ARHGAP44: variants seen among roughly 807,000 people sequenced by gnomAD.
ARHGAP44 encodes the protein Rho GTPase activating protein 44.
Under a neutral mutation model 106.8 loss-of-function variants are expected in ARHGAP44, and 43 were observed. The observed-to-expected ratio is 0.40, with a 90% confidence interval of 0.32 to 0.52. ARHGAP44 has a LOEUF of 0.52. ARHGAP44 is among the 20% of genes least tolerant of loss of function. The pLI is 0.48. For synonymous variants in ARHGAP44, 439 were observed against 410.3 expected (o/e 1.07, Z -0.85); for missense variants, 866 against 1,050.5 (o/e 0.82, Z 2.43).
chr17:12,865,779 ACTCAT>A (rs1363914075), intron 1 of ARHGAP44, among the ~76,000 whole-genome samples: 1 of 140,194 alleles, frequency 7.1e-6, no homozygotes, highest in African/African-American at 2.6e-5. Context: ...ACAGAGCGAG[ACTCAT>A]CTCAAGAAAA....
At chr17:12,961,616 C>G (rs1399833914) in intron 16 of ARHGAP44, among the ~76,000 whole-genome samples, 3 of 152,124 alleles carry the variant, frequency 2.0e-5, no homozygotes, top group Non-Finnish European at 4.4e-5. Flanking sequence ...TGCCTGTAAT[C>G]CCAGCTACTC....
rs752785731 is a variant in ARHGAP44 at position 12,990,072 on chromosome 17, C to T, written c.2358C>T (p.Leu786=). 6.2e-6 allele frequency: 10 copies of T among 1,612,706 alleles called. No individual in the cohort carries two copies. Among genetic ancestry groups the T allele is most frequent in the East Asian group, 4.5e-5 (2 of 44,848 alleles). The change falls in exon 21 of 21, where the codon CTC becomes CTT. Residue 786 remains leucine, a synonymous_variant. Transcript: ENST00000379672. The part of the protein sequence containing the change: ...HFDIPSIHIE[L]GSTLRLSPLE... ...ATATTCCCTCGATCCACATAGAGCT[C>T]GGGTCGACGCTCCGCCTGAGTCCCC...
At chr17:12,875,528 A>G (rs1567662420) in intron 1 of ARHGAP44, among the ~76,000 whole-genome samples, 1 of 152,240 alleles carries the variant, frequency 6.6e-6, no homozygotes, top group Non-Finnish European at 1.5e-5. Flanking sequence ...GGAGTTCAAG[A>G]TTCCAGTGAG....
chr17:12,855,013 G>GT (rs1318750090), intron 1 of ARHGAP44, among the ~76,000 whole-genome samples: 2 of 149,338 alleles, frequency 1.3e-5, no homozygotes. Flanking sequence ...ACACATGTCT[G>GT]TATATGTATA....
In ARHGAP44 at chr17:12,949,039, G is replaced by A. The variant is rs959869053; in HGVS notation, c.862-101G>A. On this transcript the variant is annotated intron_variant, in intron 10 of 20. Transcript: ENST00000379672. This position sits in a 1 kb window ranked among gnomAD's most constrained non-coding sequence, Gnocchi z 4.1. ...GGGAGATGGTGTTGGGCAAATGCAT[G>A]TAAGAGGTTTTGGAGAAAAGAAGCA... The A allele has an allele frequency of 1.0e-5, 12 of 1,162,550 alleles. No homozygotes were observed. The African/African-American group carries it at 1.1e-4, about 10-fold the overall frequency. 72.0% of individuals were successfully genotyped at this position (1,162,550 alleles called of 1,614,324 possible). A position where few individuals can be genotyped will look rare whatever the true frequency, so the allele number is the denominator to read the frequency against.
intron 16 of ARHGAP44, among the ~76,000 whole-genome samples, chr17:12,963,094 T>C (rs1305240646): frequency 6.8e-6 from 1 of 147,766 alleles, no homozygotes; most frequent in Non-Finnish European, 1.5e-5. Flanking sequence ...TTCACCAACC[T>C]TGTGGTTGGT....
At chr17:12,966,525 G>A (rs1567713659) in intron 16 of ARHGAP44, among the ~76,000 whole-genome samples, 1 of 152,226 alleles carries the variant, frequency 6.6e-6, no homozygotes, top group Non-Finnish European at 1.5e-5. Flanking sequence ...CACTGGGTGT[G>A]TGTAGGCCAG....
At chr17:12,987,222 GCTC>G (rs1263276994) in intron 20 of ARHGAP44, 8 of 1,364,090 alleles carry the variant, frequency 5.9e-6, no homozygotes, top group Admixed American at 2.3e-5. Flanking sequence ...CCTCCCCTCC[GCTC>G]CTCGTCTCTG....
chr17:12,858,747 A>G (rs547531155), intron 1 of ARHGAP44, among the ~76,000 whole-genome samples: 1 of 152,300 alleles, frequency 6.6e-6, no homozygotes, highest in South Asian at 2.1e-4. Context: ...TTGTATTAGT[A>G]CATTTTCATG....
chr17:12,974,113 A>G lies in ARHGAP44; in HGVS notation c.1566A>G (p.Thr522=), dbSNP rs1486406138. Residue 522 remains threonine (T), a synonymous_variant, in exon 18 of 21, where the codon ACA becomes ACG. Coordinates refer to ENST00000379672, the MANE Select transcript of ARHGAP44 (RefSeq NM_014859.6). ...GCATGGGTGTGAGGGTCATGGACAC[A>G]AACTGGGTGGCTCGAAGAGGCTCCT... The part of the protein sequence containing the change: ...IQSMGVRVMD[T]NWVARRGSSA... 3.8e-6 allele frequency: 6 copies of G among 1,571,596 alleles called. No homozygotes were observed. Among genetic ancestry groups the G allele is most frequent in the Non-Finnish European group, 5.2e-6 (6 of 1,158,448 alleles).
chr17:12,989,997 T>G (rs375710934), intron 20 of ARHGAP44, 35 bp from the exon 21 acceptor site: 11 of 1,588,720 alleles, frequency 6.9e-6, no homozygotes, highest in African/African-American at 5.4e-5. Flanking sequence ...CCGGGAAGCC[T>G]CCTTTCAACC....
intron 4 of ARHGAP44, 86 bp downstream of exon 4, chr17:12,909,059 A>G: frequency 8.6e-7 from 1 of 1,160,032 alleles, no homozygotes; most frequent in Non-Finnish European, 1.2e-6. Flanking sequence ...TCAGGGAAGC[A>G]CCTGAATTCT....
At chr17:12,937,932 C>A (rs1045224787) in intron 7 of ARHGAP44, among the ~76,000 whole-genome samples, 4 of 152,144 alleles carry the variant, frequency 2.6e-5, no homozygotes, top group African/African-American at 9.7e-5. Context: ...GAAACCTTGT[C>A]TCTTCTAAAA....
At chr17:12,981,495 T>TCAAGCGATTCTCCTGCCTC (rs2039829089) in intron 19 of ARHGAP44, among the ~76,000 whole-genome samples, 1 of 151,868 alleles carries the variant, frequency 6.6e-6, no homozygotes, top group African/African-American at 2.4e-5. Context: ...CCTCCTGGGT[T>TCAAGCGATTCTCCTGCCTC]CAAGCGATTC....
rs571585320 is a variant in ARHGAP44, at chr17:12,990,293, C to G, written c.*122C>G. 24 of 1,332,708 alleles carry G rather than the reference C, an allele frequency of 1.8e-5. No individual in the cohort carries two copies. In the African/African-American group the frequency reaches 3.2e-4, roughly 18 times the overall value. 82.6% of individuals were successfully genotyped at this position (1,332,708 alleles called of 1,614,324 possible). A position where few individuals can be genotyped will look rare whatever the true frequency, so the allele number is the denominator to read the frequency against. On this transcript the variant is annotated 3_prime_UTR_variant, in exon 21 of 21. Transcript: ENST00000379672. ...TGGCTCTTTCCTGCCACTGCCAACA[C>G]GAGGTTGGAATTTGGCAGAAAATTG...
chr17:12,896,511 C>T lies in ARHGAP44; in HGVS notation c.198C>T (p.Ser66=), dbSNP rs202018989. ...AAGGGGCAGAGGCTGACAAGCGCTC[C>T]GTAAGTGCCCTCCCAGCCCTGGGGA... The part of the protein sequence containing the change: ...GQQGAEADKR[S]KKLPLTTLAQ... Residue 66 remains serine, a splice_region_variant and synonymous_variant, in exon 3 of 21, where the codon TCC becomes TCT. Coordinates refer to ENST00000379672, the MANE Select transcript of ARHGAP44 (RefSeq NM_014859.6). 259 of 1,594,260 alleles carry T rather than the reference C, an allele frequency of 1.6e-4. 1 individual carries two copies. In the Middle Eastern group the frequency reaches 1.7e-3, roughly 10 times the overall value.
intron 16 of ARHGAP44, among the ~76,000 whole-genome samples, chr17:12,966,854 G>A (rs1215445779): frequency 1.3e-5 from 2 of 152,196 alleles, no homozygotes; most frequent in Non-Finnish European, 2.9e-5. Context: ...CTGACCAGGA[G>A]TCAAAAACAG....
chr17:12,879,041 GT>G (rs1372858465), intron 1 of ARHGAP44, among the ~76,000 whole-genome samples: 2 of 152,086 alleles, frequency 1.3e-5, no homozygotes, highest in Non-Finnish European at 2.9e-5. Context: ...ACATGAATAA[GT>G]TCATTAGTGG....
chr17:12,827,187 G>GT (rs1286734262), intron 1 of ARHGAP44, among the ~76,000 whole-genome samples: 1 of 151,914 alleles, frequency 6.6e-6, no homozygotes, highest in Non-Finnish European at 1.5e-5. Flanking sequence ...TGAATATATT[G>GT]TTTTTTGTCT....
Sources: allele counts gnomAD v4.1 joint callset (sites outside exome capture counted in the v4.1 genomes callset), GRCh38; gene constraint gnomAD v4.1.1; non-coding constraint Gnocchi (gnomAD v3.1); transcripts MANE v1.5; gene names NCBI Gene and HGNC (gene_info 2026-07-23, HGNC 2026-07-21).